Variants in GFRA1 observed in about 807,000 individuals in gnomAD.
The protein encoded by GFRA1 is GDNF family receptor alpha-1.
A neutral mutation model predicts 51.6 loss-of-function variants in GFRA1; 16 were observed. The observed-to-expected ratio is 0.31, with a 90% confidence interval of 0.21 to 0.47. The LOEUF is 0.47. Ranked by LOEUF, GFRA1 falls within the 20% of genes least tolerant of loss-of-function variation. The pLI is 1.00. For synonymous variants in GFRA1, 270 were observed against 241.3 expected, an observed-to-expected ratio of 1.12 and a Z score of -1.10; for missense variants, 530 against 594.3, an observed-to-expected ratio of 0.89 and a Z score of 1.13.
chr10:116,112,090 C>A (rs1195869071), intron 6 of GFRA1, among the ~76,000 whole-genome samples: 1 of 152,248 alleles, frequency 6.6e-6, no homozygotes. Flanking sequence ...AGCCATAATA[C>A]TGTATTTGTA....
chr10:116,179,965 C>T (rs1962049268), intron 5 of GFRA1, among the ~76,000 whole-genome samples: 1 of 152,068 alleles, frequency 6.6e-6, no homozygotes, highest in Admixed American at 6.6e-5. Flanking sequence ...TTGGTGTCAC[C>T]CACCAAGCAA....
intron 5 of GFRA1, among the ~76,000 whole-genome samples, chr10:116,190,829 C>T (rs1963190674): frequency 6.6e-6 from 1 of 152,248 alleles, no homozygotes; most frequent in South Asian, 2.1e-4. Context: ...GGTGACAAAG[C>T]TCCAAATGTT....
chr10:116,189,931 T>C (rs1246752688), intron 5 of GFRA1, among the ~76,000 whole-genome samples: 1 of 152,084 alleles, frequency 6.6e-6, no homozygotes, highest in African/African-American at 2.4e-5. Flanking sequence ...AAGGTGAAGA[T>C]GGTCAAAGCT....
rs573834604 is a variant in GFRA1 at position 116,143,791 on chromosome 10, G to C, written c.434-18234C>G. 5.3e-5 allele frequency among the ~76,000 whole-genome samples: 8 copies of C among 152,254 alleles called. No individual in the cohort carries two copies. The East Asian group carries it at 1.2e-3, about 22-fold the overall frequency. ...AGAAATTTGCAGGAGGTCACATCAT[G>C]AAATTATCAGTGACCTTAGAAGGGG... On this transcript the variant is annotated intron_variant, in intron 5 of 10. Coordinates refer to ENST00000355422, the MANE Select transcript of GFRA1 (RefSeq NM_005264.8).
rs1428814993 is a variant in GFRA1, at chr10:116,247,422, C to T, written c.418+22081G>A. ...AGTGAGATCATGACATTGTCTTCTT[C>T]AAAACCCCCAGTCCTTCAAAGAGCT... is the stretch of plus-strand genomic sequence containing the variant. On this transcript the variant is annotated intron_variant, in intron 4 of 10. Transcript: ENST00000355422. Among the ~76,000 whole-genome samples the T allele has an allele frequency of 2.0e-5, 3 of 152,232 alleles. No homozygotes were observed. The East Asian group carries it at 5.8e-4, about 29-fold the overall frequency.
At chr10:116,217,219 G>A (rs11197588) in intron 4 of GFRA1, among the ~76,000 whole-genome samples, 5,547 of 152,160 alleles carry the variant, frequency 0.036, 342 homozygotes, top group African/African-American at 0.13. Flanking sequence ...TATGGCCACC[G>A]GATCTCAATG....
chr10:116,084,685 C>G (rs1378695492), intron 9 of GFRA1, among the ~76,000 whole-genome samples: 1 of 151,814 alleles, frequency 6.6e-6, no homozygotes, highest in African/African-American at 2.4e-5. Context: ...CTGTAAGACA[C>G]CAGAGTTAAG....
At chr10:116,093,652 G>T (rs766907315) in intron 8 of GFRA1, 50 bp downstream of exon 8, 1 of 1,554,864 alleles carries the variant, frequency 6.4e-7, no homozygotes, top group African/African-American at 1.4e-5. Context: ...GCTGGAGCTC[G>T]GAGAAGAAAA....
chr10:116,073,885 G>A (rs558452470), intron 9 of GFRA1, among the ~76,000 whole-genome samples: 1 of 152,220 alleles, frequency 6.6e-6, no homozygotes, highest in Admixed American at 6.5e-5. Context: ...GAGACATAAC[G>A]GACCAGGGGC....
chr10:116,135,166 G>A (rs1171525568), intron 5 of GFRA1, among the ~76,000 whole-genome samples: 4 of 152,210 alleles, frequency 2.6e-5, no homozygotes, highest in African/African-American at 9.7e-5. Context: ...TGGAGGGACA[G>A]GCATTTGGAA....
At chr10:116,081,508 G>A (rs1955850026) in intron 9 of GFRA1, among the ~76,000 whole-genome samples, 1 of 152,112 alleles carries the variant, frequency 6.6e-6, no homozygotes, top group African/African-American at 2.4e-5. Flanking sequence ...TTTATAATGG[G>A]GGCAGGGAGG....
intron 9 of GFRA1, among the ~76,000 whole-genome samples, chr10:116,067,309 A>G (rs1409300093): frequency 6.6e-6 from 1 of 152,270 alleles, no homozygotes; most frequent in Non-Finnish European, 1.5e-5. Context: ...GCCCTAAAAC[A>G]TCACATTCTG....
chr10:116,086,518 G>C (rs998216202), intron 9 of GFRA1, among the ~76,000 whole-genome samples: 1 of 152,210 alleles, frequency 6.6e-6, no homozygotes, highest in Non-Finnish European at 1.5e-5. Flanking sequence ...CAAGAGCAGG[G>C]TCTGAAATGG....
At chr10:116,190,978 G>A (rs573402207) in intron 5 of GFRA1, among the ~76,000 whole-genome samples, 26 of 152,334 alleles carry the variant, frequency 1.7e-4, no homozygotes, top group African/African-American at 5.8e-4. Context: ...AAGAGAATCC[G>A]AGGGGAGGGG....
At chr10:116,106,322 A>T (rs905112486) in intron 6 of GFRA1, among the ~76,000 whole-genome samples, 2 of 152,262 alleles carry the variant, frequency 1.3e-5, no homozygotes, top group Non-Finnish European at 2.9e-5. Context: ...ACTAAAAAGC[A>T]GTAAACAGTA....
chr10:116,227,194 A>G (rs79865445), intron 4 of GFRA1, among the ~76,000 whole-genome samples: 1 of 152,194 alleles, frequency 6.6e-6, no homozygotes, highest in South Asian at 2.1e-4. Context: ...GTCTGTACCC[A>G]AAGAGAGGAA....
chr10:116,089,389 G>C (rs1273078460), intron 9 of GFRA1, among the ~76,000 whole-genome samples: 1 of 152,138 alleles, frequency 6.6e-6, no homozygotes, highest in Non-Finnish European at 1.5e-5. Context: ...GCTTTGCAGA[G>C]AACACAGAAT....
At chr10:116,223,996 T>C (rs1966107055) in intron 4 of GFRA1, among the ~76,000 whole-genome samples, 1 of 152,178 alleles carries the variant, frequency 6.6e-6, no homozygotes, top group Non-Finnish European at 1.5e-5. Flanking sequence ...CAGGAGAATA[T>C]GGCAATAAAG....
intron 4 of GFRA1, among the ~76,000 whole-genome samples, chr10:116,261,751 C>T (rs538896859): frequency 2.0e-5 from 3 of 152,236 alleles, no homozygotes; most frequent in Non-Finnish European, 4.4e-5. Flanking sequence ...ATTCAATATA[C>T]GGGCCCTTCA....
Sources: gnomAD v4.1 joint callset for allele counts (sites outside exome capture counted in the v4.1 genomes callset) on GRCh38, gnomAD v4.1.1 for gene constraint, MANE v1.5 for transcripts, NCBI Gene and HGNC (gene_info 2026-07-23, HGNC 2026-07-21) for gene names.